DLGAP1: variants seen among roughly 807,000 people sequenced by gnomAD.
The protein encoded by DLGAP1 is disks large-associated protein 1.
DLGAP1 carries 11 observed loss-of-function variants against 90.8 expected under a neutral mutation model. That is an observed-to-expected ratio of 0.12 (90% CI 0.08 to 0.20). The LOEUF (loss-of-function observed/expected upper bound fraction) is 0.20. Ranked by LOEUF, DLGAP1 falls within the 10% of genes least tolerant of loss-of-function variation. DLGAP1 has a pLI of 1.00. For synonymous variants in DLGAP1, 558 were observed against 540.7 expected, an observed-to-expected ratio of 1.03 and a Z score of -0.44; for missense variants, 1,050 against 1,333.8, an observed-to-expected ratio of 0.79 and a Z score of 3.31.
chr18:3,822,558 G>A (rs913924302), intron 4 of DLGAP1, among the ~76,000 whole-genome samples: 2 of 152,238 alleles, frequency 1.3e-5, no homozygotes, highest in Non-Finnish European at 2.9e-5. Context: ...GCTGAGTCGA[G>A]TATTAAATCT....
intron 2 of DLGAP1, among the ~76,000 whole-genome samples, chr18:4,113,112 T>C (rs562076055): frequency 6.6e-6 from 1 of 152,174 alleles, no homozygotes; most frequent in Non-Finnish European, 1.5e-5. Context: ...TATTTTCCAC[T>C]GGATATATAT....
intron 7 of DLGAP1, among the ~76,000 whole-genome samples, chr18:3,714,639 G>GTTT (rs869196557): frequency 6.3e-4 from 59 of 93,030 alleles, no homozygotes; most frequent in African/African-American, 2.1e-3. Flanking sequence ...TGATTACGTG[G>GTTT]TTTTTTTTTT....
At position 3,660,616 on chromosome 18, in the gene DLGAP1, C is replaced by T. The variant is rs1190100341; in HGVS notation, c.1591+68519G>A. Among the ~76,000 whole-genome samples the T allele has an allele frequency of 3.9e-5, 6 of 152,316 alleles. No homozygotes were observed. Reference sequence around the variant, plus strand: ...ATTATGGATGTTATTGAGCTGAGTACTGAGATTTCATTATATTGACCACTG... The same window carrying T: ...ATTATGGATGTTATTGAGCTGAGTATTGAGATTTCATTATATTGACCACTG... On this transcript the variant is annotated intron_variant, in intron 7 of 12. Coordinates refer to ENST00000315677, the MANE Select transcript of DLGAP1 (RefSeq NM_004746.4). The surrounding 1 kb of genome is among the most constrained non-coding windows in gnomAD (Gnocchi z 4.2).
chr18:3,769,818 T>C (rs1201329224), intron 5 of DLGAP1, among the ~76,000 whole-genome samples: 1 of 151,430 alleles, frequency 6.6e-6, no homozygotes, highest in Non-Finnish European at 1.5e-5. Flanking sequence ...GATATTGTTC[T>C]ACAGTTTTTT....
intron 2 of DLGAP1, among the ~76,000 whole-genome samples, chr18:4,124,029 G>GC (rs1472984070): frequency 1.3e-5 from 2 of 152,176 alleles, no homozygotes; most frequent in African/African-American, 4.8e-5. Context: ...AAAGTCAATC[G>GC]CAAGAGAATT....
At chr18:3,939,282 G>C (rs541539722) in intron 3 of DLGAP1, among the ~76,000 whole-genome samples, 31 of 151,668 alleles carry the variant, frequency 2.0e-4, no homozygotes, top group Non-Finnish European at 4.3e-4. Context: ...AGCCCTGTGT[G>C]GTGGTGGGCA....
In DLGAP1 at chr18:3,499,029, G is replaced by A; in HGVS notation, c.*156C>T. On this transcript the variant is annotated 3_prime_UTR_variant, in exon 13 of 13. Transcript: ENST00000315677. This position sits in a 1 kb window ranked among gnomAD's most constrained non-coding sequence, Gnocchi z 6.4. Reference sequence around the variant, plus strand: ...GAAGTGGGGGGCTGAGGGGGGCCCGGGGGGCGGCTCCTGCGAGGTGGACAA... The same window carrying A: ...GAAGTGGGGGGCTGAGGGGGGCCCGAGGGGCGGCTCCTGCGAGGTGGACAA... 1.6e-6 allele frequency: 1 copy of A among 644,462 alleles called. No individual in the cohort carries two copies. The highest frequency in any genetic ancestry group is 2.5e-6 in the Non-Finnish European group (1 of 394,702). The allele number at this position is 644,462 out of a possible 1,614,324, so 39.9% of individuals were successfully genotyped here.
intron 5 of DLGAP1, among the ~76,000 whole-genome samples, chr18:3,777,969 C>T (rs9966358): frequency 6.6e-6 from 1 of 151,944 alleles, no homozygotes; most frequent in African/African-American, 2.4e-5. Flanking sequence ...ATGAATCCTT[C>T]GTAAGTAAGC....
chr18:3,516,918 T>C (rs2050877532), intron 10 of DLGAP1, among the ~76,000 whole-genome samples: 1 of 152,216 alleles, frequency 6.6e-6, no homozygotes, highest in Admixed American at 6.5e-5. Context: ...GATGTCATGT[T>C]TGCAGGCATG....
At chr18:4,264,477 T>A (rs1900657067) in intron 1 of DLGAP1, 1 of 152,272 alleles carries the variant, frequency 6.6e-6, no homozygotes, top group Admixed American at 6.5e-5. Context: ...AATAACTACT[T>A]CATAAGACTC....
intron 8 of DLGAP1, among the ~76,000 whole-genome samples, chr18:3,569,997 A>C (rs1362421956): frequency 2.0e-5 from 3 of 151,980 alleles, no homozygotes. Flanking sequence ...AGATACACAA[A>C]TACTTAACAT....
At chr18:4,371,556 T>G (rs1380323351) in intron 1 of DLGAP1, among the ~76,000 whole-genome samples, 1 of 152,252 alleles carries the variant, frequency 6.6e-6, no homozygotes, top group African/African-American at 2.4e-5. Flanking sequence ...TATTTAGGAC[T>G]GCCCTAAGCT....
chr18:4,317,798 G>C (rs2080570186), intron 1 of DLGAP1, among the ~76,000 whole-genome samples: 1 of 152,216 alleles, frequency 6.6e-6, no homozygotes, highest in African/African-American at 2.4e-5. Context: ...CCATTGGGCA[G>C]TTATAGAACA....
rs913066366 is a variant in DLGAP1, at chr18:4,454,756, G to T, written c.-267+250C>A. On this transcript the variant is annotated intron_variant, in intron 1 of 12. Transcript: ENST00000315677. This position sits in a 1 kb window ranked among gnomAD's most constrained non-coding sequence, Gnocchi z 4.7. ...GTCCCCGTGGGGAGCCGCGAGGACC[G>T]CATGGCCGGAGAGGACGCGCTCGCC... is the stretch of plus-strand genomic sequence containing the variant. Among the ~76,000 whole-genome samples the T allele has an allele frequency of 3.9e-5, 6 of 151,948 alleles. No individual in the cohort carries two copies. Among genetic ancestry groups the T allele is most frequent in the Non-Finnish European group, 8.8e-5 (6 of 67,960 alleles).
At chr18:3,910,870 T>C (rs1390885824) in intron 3 of DLGAP1, among the ~76,000 whole-genome samples, 1 of 152,070 alleles carries the variant, frequency 6.6e-6, no homozygotes, top group African/African-American at 2.4e-5. Flanking sequence ...CTAAAAAAAA[T>C]GAGCCACCAA....
rs758712045 is a variant in DLGAP1 at position 3,880,069 on chromosome 18, G to A, written c.-1C>T. 4 of 1,599,340 alleles carry A rather than the reference G, an allele frequency of 2.5e-6. No homozygotes were observed. Among genetic ancestry groups the A allele is most frequent in the East Asian group, 2.2e-5 (1 of 44,866 alleles). ...TGCGGCTGCCTGATAGCCCTTTCATGGCGGACCGGAAGCAGCCGCCAGGGT... is the reference window on the plus strand; with the variant it reads ...TGCGGCTGCCTGATAGCCCTTTCATAGCGGACCGGAAGCAGCCGCCAGGGT... On this transcript the variant is annotated 5_prime_UTR_variant, in exon 4 of 13. Coordinates refer to ENST00000315677, the MANE Select transcript of DLGAP1 (RefSeq NM_004746.4).
chr18:4,327,862 G>C (rs1409935161), intron 1 of DLGAP1, among the ~76,000 whole-genome samples: 4 of 151,836 alleles, frequency 2.6e-5, no homozygotes, highest in Non-Finnish European at 5.9e-5. Context: ...TGCTTTGATG[G>C]GAATCAGTAT....
Position 3,534,206 on chromosome 18 carries a change from G to A in DLGAP1, c.2467C>T (p.Leu823=), listed in dbSNP as rs1397912790. 1.2e-6 allele frequency: 2 copies of A among 1,613,476 alleles called. No individual in the cohort carries two copies. The highest frequency in any genetic ancestry group is 2.7e-5 in the African/African-American group (2 of 74,922). The part of the protein sequence containing the change: ...QMEREERENN[L]PEDILGKIRT... ...TGGCATTACTTACTGTCTTCGGGCAGGTTGTTTTCCCGTTCTTCCCGCTCC... is the reference window on the plus strand; with the variant it reads ...TGGCATTACTTACTGTCTTCGGGCAAGTTGTTTTCCCGTTCTTCCCGCTCC... The change falls in exon 10 of 13, where the codon CTG becomes TTG. Residue 823 remains leucine, a synonymous_variant. Transcript: ENST00000315677.
chr18:3,719,414 C>T (rs891170320), intron 7 of DLGAP1, among the ~76,000 whole-genome samples: 9 of 151,548 alleles, frequency 5.9e-5, no homozygotes, highest in East Asian at 1.9e-4. Flanking sequence ...AAAAATTAGC[C>T]GGGTGTGGTG....
Sources: allele counts gnomAD v4.1 joint callset (sites outside exome capture counted in the v4.1 genomes callset), GRCh38; gene constraint gnomAD v4.1.1; non-coding constraint Gnocchi (gnomAD v3.1); transcripts MANE v1.5; gene names NCBI Gene and HGNC (gene_info 2026-07-23, HGNC 2026-07-21).